The following SYT9 variants were observed in gnomAD, a reference collection of about 807,000 sequenced individuals.
SYT9 encodes synaptotagmin-9.
Under a neutral mutation model 48.4 loss-of-function variants are expected in SYT9, and 22 were observed. The observed-to-expected ratio is 0.45, with a 90% CI of 0.32 to 0.65. SYT9 has a LOEUF of 0.65. Among genes scored for constraint, SYT9 ranks in the 30% least tolerant of loss-of-function variants. The probability of loss-of-function intolerance (pLI) is 0.03; values close to 1 mark genes in which losing one functional copy is unlikely to be tolerated. For missense variants in SYT9, 577 were observed against 622.0 expected, an observed-to-expected ratio of 0.93 and a Z score of 0.77; for synonymous variants, 265 against 245.0, an observed-to-expected ratio of 1.08 and a Z score of -0.76.
chr11:7,428,796 C>G (rs911138103), intron 6 of SYT9, among the ~76,000 whole-genome samples: 2 of 151,980 alleles, frequency 1.3e-5, no homozygotes, highest in African/African-American at 2.4e-5. Context: ...AGGTGGGGAC[C>G]TTGGTTAGGT....
intron 1 of SYT9, among the ~76,000 whole-genome samples, chr11:7,258,861 A>G (rs1848026361): frequency 6.6e-6 from 1 of 152,054 alleles, no homozygotes; most frequent in Non-Finnish European, 1.5e-5. Context: ...GGCTAAATTT[A>G]CTTTCTACTT....
At chr11:7,296,929 C>G (rs1229962869) in intron 1 of SYT9, among the ~76,000 whole-genome samples, 9 of 152,136 alleles carry the variant, frequency 5.9e-5, no homozygotes, top group Admixed American at 5.9e-4. Flanking sequence ...TACAAAGCAC[C>G]ATTGATATCC....
At chr11:7,374,149 C>G (rs930961448) in intron 3 of SYT9, among the ~76,000 whole-genome samples, 2 of 152,130 alleles carry the variant, frequency 1.3e-5, no homozygotes, top group African/African-American at 4.8e-5. Context: ...TCAACTCCCA[C>G]TTATGAGTGA....
At chr11:7,393,873 T>C (rs1846689434) in intron 3 of SYT9, among the ~76,000 whole-genome samples, 1 of 152,138 alleles carries the variant, frequency 6.6e-6, no homozygotes, top group Non-Finnish European at 1.5e-5. Flanking sequence ...ATCTAGTTTG[T>C]GTGCATAGAG....
intron 3 of SYT9, among the ~76,000 whole-genome samples, chr11:7,393,393 G>A (rs1478550772): frequency 1.3e-5 from 2 of 149,544 alleles, no homozygotes; most frequent in Non-Finnish European, 3.0e-5. Context: ...CTGCTTATAT[G>A]GCCAATCACA....
intron 6 of SYT9, among the ~76,000 whole-genome samples, chr11:7,431,283 G>C (rs1387616193): frequency 6.6e-6 from 1 of 152,216 alleles, no homozygotes; most frequent in Non-Finnish European, 1.5e-5. Context: ...ACATGAGAGT[G>C]ATGATCTAGA....
intron 1 of SYT9, among the ~76,000 whole-genome samples, chr11:7,255,447 G>T (rs1046451579): frequency 1.3e-5 from 2 of 152,212 alleles, no homozygotes; most frequent in African/African-American, 4.8e-5. Flanking sequence ...GAGCAGAGAA[G>T]TGACAACACT....
chr11:7,402,957 CTGATTAGCTTTT>C (rs1257966682), intron 3 of SYT9, among the ~76,000 whole-genome samples: 2 of 152,098 alleles, frequency 1.3e-5, no homozygotes, highest in Non-Finnish European at 2.9e-5. Flanking sequence ...ACTATATATA[CTGATTAGCTTTT>C]TAGTGGCTAT....
At chr11:7,257,118 G>A (rs532106485) in intron 1 of SYT9, among the ~76,000 whole-genome samples, 1 of 152,272 alleles carries the variant, frequency 6.6e-6, no homozygotes, top group South Asian at 2.1e-4. Context: ...TGATTCTAAT[G>A]TGCAGCCAAG....
At chr11:7,316,299 C>T (rs1403786663) in intron 3 of SYT9, among the ~76,000 whole-genome samples, 1 of 151,964 alleles carries the variant, frequency 6.6e-6, no homozygotes, top group African/African-American at 2.4e-5. Context: ...AAGAGAAAAC[C>T]ACTATCTTTA....
At chr11:7,313,306 A>T in intron 2 of SYT9, 89 bp from the exon 3 acceptor site, 3 of 1,350,846 alleles carry the variant, frequency 2.2e-6, no homozygotes, top group Non-Finnish European at 3.0e-6. Flanking sequence ...GACAAAATAT[A>T]ACAGTCTACC....
At chr11:7,421,220 C>T (rs1172830213) in intron 6 of SYT9, among the ~76,000 whole-genome samples, 8 of 152,196 alleles carry the variant, frequency 5.3e-5, no homozygotes, top group Non-Finnish European at 8.8e-5. Flanking sequence ...GAGACCTAGA[C>T]TTCTGTCTTT....
chr11:7,377,596 T>C (rs943216863), intron 3 of SYT9, among the ~76,000 whole-genome samples: 4 of 152,128 alleles, frequency 2.6e-5, no homozygotes, highest in African/African-American at 9.7e-5. Context: ...CAAAAATAAG[T>C]TCCTGCTGAT....
chr11:7,257,647 C>A (rs1022919177), intron 1 of SYT9, among the ~76,000 whole-genome samples: 1 of 151,924 alleles, frequency 6.6e-6, no homozygotes, highest in Non-Finnish European at 1.5e-5. Context: ...TATGAATAGA[C>A]CTTGGTGTGA....
At chr11:7,349,436 T>A (rs1226498401) in intron 3 of SYT9, among the ~76,000 whole-genome samples, 4 of 147,380 alleles carry the variant, frequency 2.7e-5, no homozygotes, top group African/African-American at 1.0e-4. Context: ...AGAGTGCAAA[T>A]AAGACTTGGA....
At chr11:7,240,095 G>T (rs1266641410) in intron 1 of SYT9, among the ~76,000 whole-genome samples, 5 of 152,128 alleles carry the variant, frequency 3.3e-5, no homozygotes, top group African/African-American at 1.2e-4. Context: ...ACAGTTAGAG[G>T]TCAGGTAGAA....
intron 3 of SYT9, among the ~76,000 whole-genome samples, chr11:7,354,133 CTTTAT>C (rs773069235): frequency 2.0e-5 from 3 of 152,262 alleles, no homozygotes; most frequent in East Asian, 3.9e-4. Flanking sequence ...TTTGAGTAGA[CTTTAT>C]TTTATTTTTA....
At chr11:7,308,071 C>G (rs576726980) in intron 2 of SYT9, among the ~76,000 whole-genome samples, 2 of 152,322 alleles carry the variant, frequency 1.3e-5, no homozygotes, top group African/African-American at 4.8e-5. Flanking sequence ...GTGTCTGTCC[C>G]TATCCAGGAT....
Position 7,252,018 on chromosome 11 carries a change from G to T in SYT9, c.-169G>T. ...TGGCGAAGAGCTGCATGCAACCGGT[G>T]GGAGGCCGGGCCGGCTGGGTCTGGG... On this transcript the variant is annotated 5_prime_UTR_variant, in exon 1 of 7. Coordinates refer to ENST00000318881, the MANE Select transcript of SYT9 (RefSeq NM_175733.4). This position sits in a 1 kb window ranked among gnomAD's most constrained non-coding sequence, Gnocchi z 6.3. 1 of 687,198 alleles carries T rather than the reference G, an allele frequency of 1.5e-6. No homozygotes were observed. The highest frequency in any genetic ancestry group is 2.1e-6 in the Non-Finnish European group (1 of 471,184). 42.6% of individuals were successfully genotyped at this position (687,198 alleles called of 1,614,324 possible).
Sources: allele counts gnomAD v4.1 joint callset (sites outside exome capture counted in the v4.1 genomes callset), GRCh38; gene constraint gnomAD v4.1.1; non-coding constraint Gnocchi (gnomAD v3.1); transcripts MANE v1.5; gene names NCBI Gene and HGNC (gene_info 2026-07-23, HGNC 2026-07-21).